DNAH9: variants seen among roughly 807,000 people sequenced by gnomAD.
The protein encoded by DNAH9 is DNAH9 variant protein.
DNAH9 carries 345 observed loss-of-function variants against 471.6 expected under a neutral mutation model. The observed-to-expected ratio is 0.73, with a 90% CI of 0.67 to 0.80. The LOEUF (loss-of-function observed/expected upper bound fraction) is 0.80, where lower values mean the gene tolerates loss of function less well. Ranked by LOEUF, DNAH9 falls within the 30% of genes least tolerant of loss-of-function variation. DNAH9 has a pLI of 0.00. For synonymous variants in DNAH9, 2,093 were observed against 2,123.6 expected (o/e 0.99, Z 0.40); for missense variants, 5,407 against 5,609.2 (o/e 0.96, Z 1.15).
chr17:11,704,489 C>T, intron 25 of DNAH9, 47 bp downstream of exon 25: 1 of 1,592,410 alleles, frequency 6.3e-7, no homozygotes, highest in Non-Finnish European at 8.5e-7. Context: ...TACAGCTACA[C>T]TGAGAACAGC....
chr17:11,964,452 TC>T (rs1241321971), intron 68 of DNAH9, among the ~76,000 whole-genome samples: 1 of 152,030 alleles, frequency 6.6e-6, no homozygotes, highest in African/African-American at 2.4e-5. Context: ...AATAAAAACT[TC>T]CCCAAAATCA....
At chr17:11,766,236 G>GA (rs933467824) in intron 36 of DNAH9, among the ~76,000 whole-genome samples, 10 of 150,696 alleles carry the variant, frequency 6.6e-5, no homozygotes, top group Admixed American at 3.3e-4. Context: ...TGCTTACATT[G>GA]AAAAAAACTG....
chr17:11,778,794 G>A (rs1222531041), intron 38 of DNAH9, among the ~76,000 whole-genome samples: 1 of 152,026 alleles, frequency 6.6e-6, no homozygotes, highest in Non-Finnish European at 1.5e-5. Flanking sequence ...ATCACCTGAG[G>A]TCAGGAATTC....
chr17:11,865,668 A>G (rs1972024138), intron 50 of DNAH9, among the ~76,000 whole-genome samples: 1 of 151,932 alleles, frequency 6.6e-6, no homozygotes, highest in African/African-American at 2.4e-5. Context: ...AATCAGACGT[A>G]GATTTGGTCT....
In DNAH9 at chr17:11,736,952, A is replaced by C. The variant is rs191011043; in HGVS notation, c.5815-1928A>C. ...ATAAGGCGAGTGCTCTGTATATTTT[A>C]TGGATGGGAAGACTGGGGACAAAGG... On this transcript the variant is annotated intron_variant, in intron 28 of 68. Transcript: ENST00000262442. Among the ~76,000 whole-genome samples the C allele has an allele frequency of 3.9e-3, 588 of 152,316 alleles. 3 individuals carry two copies. Among genetic ancestry groups the C allele is most frequent in the African/African-American group, 0.013 (551 of 41,568 alleles).
intron 67 of DNAH9, among the ~76,000 whole-genome samples, chr17:11,949,306 A>T (rs1485875044): frequency 1.3e-5 from 2 of 152,068 alleles, no homozygotes; most frequent in Non-Finnish European, 2.9e-5. Context: ...TAGACCCTGA[A>T]ATGCAGCATT....
intron 31 of DNAH9, among the ~76,000 whole-genome samples, chr17:11,746,223 TG>T (rs762442770): frequency 5.9e-5 from 9 of 152,156 alleles, no homozygotes; most frequent in Non-Finnish European, 1.3e-4. Flanking sequence ...CAGTTCTGCA[TG>T]GCTGGGGAGG....
intron 42 of DNAH9, 35 bp from the exon 43 acceptor site, chr17:11,797,559 CAAT>C: frequency 6.4e-7 from 1 of 1,550,398 alleles, no homozygotes; most frequent in East Asian, 2.3e-5. Flanking sequence ...CCCCAGAAGT[CAAT>C]AATGAGGGCC....
At chr17:11,905,187 T>C (rs1413077709) in intron 60 of DNAH9, among the ~76,000 whole-genome samples, 6 of 151,204 alleles carry the variant, frequency 4.0e-5, no homozygotes, top group East Asian at 1.9e-4. Flanking sequence ...TGAGCTGAGA[T>C]TGTGCCACTG....
At chr17:11,881,167 G>A in intron 54 of DNAH9, 42 bp from the exon 55 acceptor site, 1 of 1,600,442 alleles carries the variant, frequency 6.2e-7, no homozygotes, top group Non-Finnish European at 8.6e-7. Context: ...ACCAAATTTT[G>A]CAGGAAGGCA....
intron 48 of DNAH9, among the ~76,000 whole-genome samples, chr17:11,823,861 C>T (rs368273864): frequency 2.0e-5 from 3 of 150,388 alleles, no homozygotes; most frequent in African/African-American, 4.9e-5. Flanking sequence ...ACCCAGGTGG[C>T]GGAGATTGCA....
intron 49 of DNAH9, among the ~76,000 whole-genome samples, chr17:11,851,502 A>G (rs192170080): frequency 1.6e-4 from 25 of 152,290 alleles, no homozygotes; most frequent in Middle Eastern, 3.4e-3. Context: ...TGAGGTGGCA[A>G]TGAGCTTGGC....
At chr17:11,942,627 C>T (rs1974966741) in intron 67 of DNAH9, 142 bp downstream of exon 67, 1 of 770,950 alleles carries the variant, frequency 1.3e-6, no homozygotes, top group Admixed American at 3.1e-5. Context: ...AGTCATCACT[C>T]CCCAGAAACC....
At chr17:11,691,574 A>G (rs1361703235) in intron 20 of DNAH9, among the ~76,000 whole-genome samples, 1 of 152,250 alleles carries the variant, frequency 6.6e-6, no homozygotes, top group African/African-American at 2.4e-5. Context: ...CCTAACTGGT[A>G]ACTATATTCA....
intron 39 of DNAH9, 69 bp from the exon 40 acceptor site, chr17:11,783,577 C>A: frequency 8.4e-7 from 1 of 1,191,036 alleles, no homozygotes; most frequent in Non-Finnish European, 1.2e-6. Flanking sequence ...CATCCTACCG[C>A]ACCTTGACAA....
chr17:11,915,476 A>G (rs1480637393), intron 61 of DNAH9, among the ~76,000 whole-genome samples: 1 of 152,188 alleles, frequency 6.6e-6, no homozygotes. Context: ...ATGAGCCAAG[A>G]TCGCACCACT....
At position 11,763,470 on chromosome 17, in the gene DNAH9, G is replaced by C; in HGVS notation, c.7026G>C (p.Gln2342His). Residue 2342 changes from glutamine to histidine, a missense_variant, in exon 36 of 69, where the codon CAG becomes CAC. This residue lies in a region of DNAH9 where 4,636 missense variants were observed against 4,900.3 expected (regional missense o/e 0.95). Transcript: ENST00000262442. ...AGAAGATCATTCCCATCCCAGAGCA[G>C]AGCATGGTTCAGATGGTGTGTCACC... Reference protein sequence around the residue: ...RFKKIIPIPEQSMVQMVCHLL... With the variant: ...RFKKIIPIPEHSMVQMVCHLL... 3.1e-6 allele frequency: 5 copies of C among 1,614,176 alleles called. No homozygotes were observed. The highest frequency in any genetic ancestry group is 1.7e-5 in the Admixed American group (1 of 60,034).
At chr17:11,791,579 T>C (rs938936622) in intron 41 of DNAH9, among the ~76,000 whole-genome samples, 2 of 151,998 alleles carry the variant, frequency 1.3e-5, no homozygotes, top group African/African-American at 4.8e-5. Flanking sequence ...GGTGTGGTGG[T>C]GCGTGCCTAT....
intron 59 of DNAH9, among the ~76,000 whole-genome samples, chr17:11,895,243 G>A (rs772205090): frequency 6.6e-6 from 1 of 152,210 alleles, no homozygotes; most frequent in Non-Finnish European, 1.5e-5. Context: ...CACAATGCCT[G>A]GCAGGGAATG....
Sources: gnomAD v4.1 joint callset for allele counts (sites outside exome capture counted in the v4.1 genomes callset) on GRCh38, gnomAD v4.1.1 for gene constraint, gnomAD v4.1.1 regional missense constraint, MANE v1.5 for transcripts, NCBI Gene and HGNC (gene_info 2026-07-23, HGNC 2026-07-21) for gene names.